Variants in PKHD1L1 observed in about 807,000 individuals in gnomAD.
The protein encoded by PKHD1L1 is PKHD1 like 1, also known as fibrocystin-L.
A neutral mutation model predicts 462.9 loss-of-function variants in PKHD1L1; 434 were observed. The ratio of observed to expected loss-of-function variants is 0.94; its 90% CI spans 0.87 to 1.02. PKHD1L1 has a LOEUF of 1.02. Among genes scored for constraint, PKHD1L1 ranks in the 50% least tolerant of loss-of-function variants. The pLI, the probability that PKHD1L1 is intolerant of heterozygous loss-of-function variation, is 0.00. For synonymous variants in PKHD1L1, 1,781 were observed against 1,750.0 expected, an observed-to-expected ratio of 1.02 and a Z score of -0.44; for missense variants, 5,202 against 5,096.1, an observed-to-expected ratio of 1.02 and a Z score of -0.63.
chr8:109,397,393 G>A (rs552509714), intron 11 of PKHD1L1, among the ~76,000 whole-genome samples: 5 of 152,126 alleles, frequency 3.3e-5, no homozygotes, highest in South Asian at 2.1e-4. Context: ...ATAGTGAAAC[G>A]GGCTGGGTGC....
chr8:109,373,654 T>A (rs1195406305), intron 2 of PKHD1L1, among the ~76,000 whole-genome samples: 2 of 152,214 alleles, frequency 1.3e-5, no homozygotes, highest in Non-Finnish European at 2.9e-5. Context: ...TGTTACAAAT[T>A]TCCCTCTACA....
In PKHD1L1 at chr8:109,437,079, C is replaced by A. The variant is rs944012731; in HGVS notation, c.3627+620C>A. Among the ~76,000 whole-genome samples, 6 of 152,192 alleles carry A rather than the reference C, an allele frequency of 3.9e-5. No homozygotes were observed. The East Asian group carries it at 9.7e-4, about 25-fold the overall frequency. ...TACAGGCATGTACCACCACGCCCAG[C>A]TAATTTTTGTATTTTTAGTAGAGAC... On this transcript the variant is annotated intron_variant, in intron 30 of 77. Coordinates refer to ENST00000378402, the MANE Select transcript of PKHD1L1 (RefSeq NM_177531.6).
At chr8:109,454,623 C>T in intron 44 of PKHD1L1, 100 bp from the exon 45 acceptor site, 1 of 1,486,266 alleles carries the variant, frequency 6.7e-7, no homozygotes, top group Non-Finnish European at 9.1e-7. Context: ...AATTAATTCT[C>T]AAAAGAGAAG....
At chr8:109,398,368 G>T in intron 11 of PKHD1L1, 91 bp from the exon 12 acceptor site, 1 of 800,372 alleles carries the variant, frequency 1.2e-6, no homozygotes, top group South Asian at 1.5e-5. Flanking sequence ...ATGCAACTTT[G>T]TTTTAATTGC....
At chr8:109,501,231 C>A (rs1251623112) in intron 67 of PKHD1L1, among the ~76,000 whole-genome samples, 2 of 152,162 alleles carry the variant, frequency 1.3e-5, no homozygotes, top group Non-Finnish European at 2.9e-5. Context: ...TTCCACCAGT[C>A]TTTTGGGGTG....
chr8:109,521,415 G>A (rs1465995822), intron 73 of PKHD1L1, among the ~76,000 whole-genome samples: 5 of 152,154 alleles, frequency 3.3e-5, no homozygotes, highest in Admixed American at 6.5e-5. Context: ...TTTAAAAGTG[G>A]TTTTAGTAAC....
At chr8:109,373,965 A>G (rs1458783564) in intron 2 of PKHD1L1, among the ~76,000 whole-genome samples, 1 of 152,158 alleles carries the variant, frequency 6.6e-6, no homozygotes, top group Non-Finnish European at 1.5e-5. Flanking sequence ...GGTGCTGAAA[A>G]AAATGTATAT....
rs547362555 is a variant in PKHD1L1, at chr8:109,526,718, T to C, written c.12485-66T>C. The C allele has an allele frequency of 6.8e-6, 9 of 1,322,850 alleles. No individual in the cohort carries two copies. In the South Asian group the frequency reaches 1.3e-4, roughly 19 times the overall value. 81.9% of individuals were successfully genotyped at this position (1,322,850 alleles called of 1,614,324 possible). On this transcript the variant is annotated intron_variant, in intron 76 of 77. Transcript: ENST00000378402. ...TGTTTTTCAGTCAATGAAAATCAAA[T>C]GGGAACGGTATGAAAACAAGTAAAA...
chr8:109,409,274 G>T (rs1813716421), intron 18 of PKHD1L1, among the ~76,000 whole-genome samples: 1 of 151,308 alleles, frequency 6.6e-6, no homozygotes, highest in African/African-American at 2.4e-5. Flanking sequence ...TTTCAAGACG[G>T]AGTCTCACTC....
chr8:109,401,512 CATT>C lies in PKHD1L1; in HGVS notation c.1298_1300del (p.His433_Ser434delinsPro). ...CTCGGATTAGGTGAGGATTGCATATCATTCTGCTAATGCCAACAGTTATTTTTC... is the reference window on the plus strand; with the variant it reads ...CTCGGATTAGGTGAGGATTGCATATCCTGCTAATGCCAACAGTTATTTTTC... On this transcript the variant is annotated inframe_deletion, in exon 14 of 78. Transcript: ENST00000378402. 1.9e-6 allele frequency: 3 copies of C among 1,579,752 alleles called. No individual in the cohort carries two copies. Among genetic ancestry groups the C allele is most frequent in the Non-Finnish European group, 2.6e-6 (3 of 1,150,688 alleles).
chr8:109,420,734 T>C, intron 23 of PKHD1L1, 44 bp downstream of exon 23: 1 of 1,357,852 alleles, frequency 7.4e-7, no homozygotes, highest in Non-Finnish European at 9.8e-7. Context: ...GTGAATTTTA[T>C]TTTTAATTTT....
chr8:109,391,010 T>A (rs141471361), intron 9 of PKHD1L1, among the ~76,000 whole-genome samples: 1 of 152,324 alleles, frequency 6.6e-6, no homozygotes, highest in East Asian at 1.9e-4. Flanking sequence ...TGTTCTACAT[T>A]CTAATTTCAA....
intron 68 of PKHD1L1, among the ~76,000 whole-genome samples, chr8:109,507,112 T>C (rs1819730022): frequency 6.6e-6 from 1 of 152,164 alleles, no homozygotes. Context: ...TCTATAAGAA[T>C]ATATACTAAT....
chr8:109,394,170 CAAAAA>C (rs146708536), intron 9 of PKHD1L1, among the ~76,000 whole-genome samples: 1 of 63,708 alleles, frequency 1.6e-5, no homozygotes, highest in Non-Finnish European at 3.0e-5. Flanking sequence ...GAGACTCTGT[CAAAAA>C]AAAAAAAAAA....
intron 45 of PKHD1L1, 34 bp downstream of exon 45, chr8:109,454,886 A>G (rs915387461): frequency 7.6e-6 from 12 of 1,589,250 alleles, no homozygotes; most frequent in Non-Finnish European, 9.4e-6. Context: ...GAGTTGGTAG[A>G]GGAAGACTCA....
At chr8:109,426,453 A>T (rs1006674760) in intron 24 of PKHD1L1, among the ~76,000 whole-genome samples, 33 of 151,992 alleles carry the variant, frequency 2.2e-4, no homozygotes, top group African/African-American at 7.0e-4. Context: ...TATAATTTTT[A>T]AAAATAATTA....
rs1815336648 is a variant in PKHD1L1, at chr8:109,435,199, T to G, written c.3350T>G (p.Leu1117Arg). Reference sequence around the variant, plus strand: ...TTCTTTTTTTCACAAGAAAAAGAGCTCAAGTGCCAGATTCTGAATGGAAGT... The same window carrying G: ...TTCTTTTTTTCACAAGAAAAAGAGCGCAAGTGCCAGATTCTGAATGGAAGT... ...CSLLSVDEKE[L>R]KCQILNGSAG... is the part of the protein sequence containing the mutation. The change falls in exon 29 of 78, where the codon CTC (leucine) becomes CGC (arginine). Residue 1117 changes from leucine (L) to arginine (R), a missense_variant. This residue lies in a region of PKHD1L1 where 4,497 missense variants were observed against 4,336.8 expected (regional missense o/e 1.04). Transcript: ENST00000378402. The G allele has an allele frequency of 1.9e-6, 3 of 1,613,314 alleles. No individual in the cohort carries two copies. Among genetic ancestry groups the G allele is most frequent in the Non-Finnish European group, 2.5e-6 (3 of 1,179,610 alleles).
At chr8:109,501,826 TG>T (rs988317804) in intron 67 of PKHD1L1, among the ~76,000 whole-genome samples, 1 of 152,212 alleles carries the variant, frequency 6.6e-6, no homozygotes, top group Admixed American at 6.5e-5. Context: ...GAATGCTTAT[TG>T]GTGGGAAATA....
At chr8:109,496,469 C>T (rs1455755772) in intron 63 of PKHD1L1, among the ~76,000 whole-genome samples, 1 of 152,152 alleles carries the variant, frequency 6.6e-6, no homozygotes, top group Admixed American at 6.6e-5. Context: ...ATCTAAATCC[C>T]ATGCTCTTTC....
Sources: gnomAD v4.1 joint callset for allele counts (sites outside exome capture counted in the v4.1 genomes callset) on GRCh38, gnomAD v4.1.1 for gene constraint, gnomAD v4.1.1 regional missense constraint, MANE v1.5 for transcripts, NCBI Gene and HGNC (gene_info 2026-07-23, HGNC 2026-07-21) for gene names.